CADM3: variants seen among roughly 807,000 people sequenced by gnomAD.
The protein encoded by CADM3 is TSLC1-like 1.
CADM3 carries 11 observed loss-of-function variants against 44.9 expected under a neutral mutation model. The ratio of observed to expected loss-of-function variants is 0.25; its 90% CI spans 0.15 to 0.41. CADM3 has a LOEUF of 0.41. CADM3 is among the 10% of genes least tolerant of loss of function. The pLI is 1.00. For missense variants in CADM3, 426 were observed against 512.0 expected, an observed-to-expected ratio of 0.83 and a Z score of 1.62; for synonymous variants, 207 against 205.2, an observed-to-expected ratio of 1.01 and a Z score of -0.08.
At position 159,196,942 on chromosome 1, in the gene CADM3, G is replaced by A. The variant is rs1385616437; in HGVS notation, c.834G>A (p.Met278Ile). 1 of 1,614,024 alleles carries A rather than the reference G, an allele frequency of 6.2e-7. No homozygotes were observed. The highest frequency in any genetic ancestry group is 2.2e-5 in the East Asian group (1 of 44,874). The stretch of plus-strand genomic sequence containing the variant: ...AGGGCAGTGTGCCACCCCTGAAGAT[G>A]ACCCAGGAGAGTGCCCTGATCTTCC... The part of the protein sequence containing the change: ...EKEGSVPPLK[M>I]TQESALIFPF... The change falls in exon 7 of 9, where the codon ATG (methionine) becomes ATA (isoleucine). Residue 278 changes from methionine to isoleucine, a missense_variant. Transcript: ENST00000368125.
chr1:159,182,916 C>A (rs577804696), intron 1 of CADM3, among the ~76,000 whole-genome samples: 4 of 152,274 alleles, frequency 2.6e-5, no homozygotes, highest in Admixed American at 2.6e-4. Context: ...TCAGTGAGAA[C>A]CAAGGGTTAA....
intron 7 of CADM3, 138 bp downstream of exon 7, chr1:159,197,198 C>A: frequency 1.2e-6 from 1 of 825,826 alleles, no homozygotes; most frequent in Non-Finnish European, 1.9e-6. Flanking sequence ...CCACTGGGGT[C>A]CCTGAGGGCT....
At chr1:159,185,332 T>A (rs753639610) in intron 1 of CADM3, among the ~76,000 whole-genome samples, 1 of 152,174 alleles carries the variant, frequency 6.6e-6, no homozygotes, top group African/African-American at 2.4e-5. Flanking sequence ...GTAAATATTG[T>A]TTAGGTGAGT....
At chr1:159,191,892 G>A (rs1278674533) in intron 1 of CADM3, 44 bp from the exon 2 acceptor site, 1 of 1,611,726 alleles carries the variant, frequency 6.2e-7, no homozygotes, top group South Asian at 1.1e-5. Flanking sequence ...ATGGGAGGAG[G>A]GGCTAGGGGT....
intron 1 of CADM3, among the ~76,000 whole-genome samples, chr1:159,172,873 G>C (rs952972671): frequency 1.3e-5 from 2 of 152,116 alleles, no homozygotes; most frequent in African/African-American, 4.8e-5. Context: ...TTTCTTAAAG[G>C]CTACTAACGG....
At chr1:159,189,870 A>G (rs1196347152) in intron 1 of CADM3, 1 of 1,596,924 alleles carries the variant, frequency 6.3e-7, no homozygotes, top group Non-Finnish European at 8.5e-7. Context: ...CTGGCCAGTC[A>G]AGGTGAGAAT....
At chr1:159,184,461 T>G (rs994911712) in intron 1 of CADM3, among the ~76,000 whole-genome samples, 1 of 152,212 alleles carries the variant, frequency 6.6e-6, no homozygotes, top group Non-Finnish European at 1.5e-5. Flanking sequence ...ACCATCATCA[T>G]CAACTCCTAC....
Position 159,185,888 on chromosome 1 carries a change from T to C in CADM3, c.89-6048T>C, listed in dbSNP as rs138518255. On this transcript the variant is annotated intron_variant, in intron 1 of 8. Transcript: ENST00000368125. ...ACTGGATGCAAAATGCATCAGACCC[T>C]ACCTATGGAATCGTTATAATTTGGG... is the stretch of plus-strand genomic sequence containing the variant. Among the ~76,000 whole-genome samples the C allele has an allele frequency of 4.5e-3, 692 of 152,344 alleles. 3 individuals are homozygous for C. The highest frequency in any genetic ancestry group is 8.1e-3 in the Non-Finnish European group (550 of 68,034).
Position 159,199,753 on chromosome 1 carries a change from C to G in CADM3, c.955C>G (p.Pro319Ala). The G allele has an allele frequency of 6.2e-7, 1 of 1,614,054 alleles. No individual in the cohort carries two copies. Among genetic ancestry groups the G allele is most frequent in the African/African-American group, 1.3e-5 (1 of 74,992 alleles). Residue 319 changes from proline to alanine, a missense_variant and splice_region_variant, in exon 8 of 9, where the codon CCC becomes GCC. Transcript: ENST00000368125. ...GTGTGTGTTGCCCTTTCTTCCAGAC[C>G]CCAGTCCGGTGCCCTCCTCCTCCAG... ...KAYYTLNVNDPSPVPSSSSTY... is the reference protein window; with the variant it reads ...KAYYTLNVNDASPVPSSSSTY...
At chr1:159,200,146 C>T (rs970909555) in intron 8 of CADM3, among the ~76,000 whole-genome samples, 4 of 152,192 alleles carry the variant, frequency 2.6e-5, no homozygotes, top group African/African-American at 7.2e-5. Context: ...TCCCATGCTG[C>T]TCTACCTCCA....
chr1:159,176,732 A>C (rs545827495), intron 1 of CADM3, among the ~76,000 whole-genome samples: 33 of 152,222 alleles, frequency 2.2e-4, no homozygotes, highest in Non-Finnish European at 4.6e-4. Context: ...AAGAGGCTTG[A>C]ACGCATGAAT....
intron 1 of CADM3, among the ~76,000 whole-genome samples, chr1:159,178,026 T>C (rs1649091616): frequency 6.6e-6 from 1 of 152,212 alleles, no homozygotes; most frequent in Non-Finnish European, 1.5e-5. Context: ...GGCATTTGCA[T>C]ATAACCTATG....
rs1648804062 is a variant in CADM3 at position 159,171,716 on chromosome 1, G to A, written c.-50G>A. On this transcript the variant is annotated 5_prime_UTR_variant, in exon 1 of 9. Transcript: ENST00000368125. ...CACCCCCTCCCCATCCCCAGCCCCC[G>A]GGGATTCAGGCTCGCCAGCGCCCAG... The A allele has an allele frequency of 8.5e-6, 10 of 1,181,874 alleles. No individual in the cohort carries two copies. Among genetic ancestry groups the A allele is most frequent in the Non-Finnish European group, 9.5e-6 (9 of 942,822 alleles). The allele number at this position is 1,181,874 out of a possible 1,614,324, so 73.2% of individuals were successfully genotyped here.
intron 2 of CADM3, 93 bp downstream of exon 2, chr1:159,192,169 G>T: frequency 1.5e-6 from 2 of 1,369,304 alleles, no homozygotes; most frequent in Non-Finnish European, 2.0e-6. Context: ...TCATCCAGAG[G>T]CTGAGAAACA....
chr1:159,182,385 T>G (rs1295060197), intron 1 of CADM3, among the ~76,000 whole-genome samples: 4 of 152,170 alleles, frequency 2.6e-5, no homozygotes, highest in African/African-American at 4.8e-5. Context: ...GCGGAAATAT[T>G]TGACACTTAG....
In CADM3 at chr1:159,194,026, G is replaced by T. The variant is rs777578740; in HGVS notation, c.677G>T (p.Arg226Leu). ...GGAGCTGACAGATCCACCTCTCAAC[G>T]CATTGAAGTTTTATGTATGTCATGG... is the stretch of plus-strand genomic sequence containing the variant. The part of the protein sequence containing the change: ...LKGADRSTSQ[R>L]IEVLYTPTAM... The change falls in exon 5 of 9, where the codon CGC (arginine) becomes CTC (leucine). Residue 226 changes from arginine to leucine, a missense_variant. By Grantham distance (102) the Arg-to-Leu change is moderately radical. Coordinates refer to ENST00000368125, the MANE Select transcript of CADM3 (RefSeq NM_001127173.3). 3 of 1,613,188 alleles carry T rather than the reference G, an allele frequency of 1.9e-6. No individual in the cohort carries two copies. Among genetic ancestry groups the T allele is most frequent in the Middle Eastern group, 1.7e-4 (1 of 6,056 alleles).
chr1:159,171,796 C>A lies in CADM3; in HGVS notation c.31C>A (p.Leu11Met). 1 of 1,246,012 alleles carries A rather than the reference C, an allele frequency of 8.0e-7. No homozygotes were observed. Among genetic ancestry groups the A allele is most frequent in the East Asian group, 3.1e-5 (1 of 32,308 alleles). 77.2% of individuals were successfully genotyped at this position (1,246,012 alleles called of 1,614,324 possible). A position where few individuals can be genotyped will look rare whatever the true frequency, so the allele number is the denominator to read the frequency against. ...GGCCCCAGCCGCCTCGCTCCTGCTC[C>A]TGCTCCTGCTGTTCGCCTGCTGCTG... Reference protein sequence around the residue: MGAPAASLLLLLLLFACCWAP... With the variant: MGAPAASLLLMLLLFACCWAP... The change falls in exon 1 of 9, where the codon CTG becomes ATG. Residue 11 changes from leucine to methionine, a missense_variant. Transcript: ENST00000368125.
chr1:159,193,902 G>A lies in CADM3; in HGVS notation c.553G>A (p.Gly185Ser), dbSNP rs1242749617. 4 of 1,614,120 alleles carry A rather than the reference G, an allele frequency of 2.5e-6. No individual in the cohort carries two copies. The highest frequency in any genetic ancestry group is 1.7e-5 in the Admixed American group (1 of 60,018). The change falls in exon 5 of 9, where the codon GGT (glycine) becomes AGT (serine). Residue 185 changes from glycine to serine, a missense_variant. By Grantham distance (56) the Gly-to-Ser change is moderately conservative. Transcript: ENST00000368125. ...EPTRIQEDPN[G>S]KTFTVSSSVT... Reference sequence around the variant, plus strand: ...AACCCGCATACAGGAAGATCCCAATGGTAAAACCTTCACTGTCAGCAGCTC... The same window carrying A: ...AACCCGCATACAGGAAGATCCCAATAGTAAAACCTTCACTGTCAGCAGCTC...
intron 1 of CADM3, among the ~76,000 whole-genome samples, chr1:159,189,138 T>C (rs986894199): frequency 2.6e-5 from 4 of 152,212 alleles, no homozygotes; most frequent in East Asian, 1.9e-4. Flanking sequence ...GAGTCTCACA[T>C]TGAAACAAAT....
Sources: allele counts gnomAD v4.1 joint callset (sites outside exome capture counted in the v4.1 genomes callset), GRCh38; gene constraint gnomAD v4.1.1; transcripts MANE v1.5; gene names NCBI Gene and HGNC (gene_info 2026-07-23, HGNC 2026-07-21).